RANBP2: variants seen among roughly 807,000 people sequenced by gnomAD.
RANBP2 encodes RAN binding protein 2.
In RANBP2, 57 loss-of-function variants were observed where a neutral mutation model predicts 303.6. That is an observed-to-expected ratio of 0.19 (90% confidence interval 0.15 to 0.23). The LOEUF (loss-of-function observed/expected upper bound fraction) is 0.23. Ranked by LOEUF, RANBP2 falls within the 10% of genes least tolerant of loss-of-function variation. The pLI, the probability that RANBP2 is intolerant of heterozygous loss-of-function variation, is 1.00. For synonymous variants in RANBP2, 1,167 were observed against 1,301.5 expected (o/e 0.90, Z 2.23); for missense variants, 3,138 against 3,780.8 (o/e 0.83, Z 4.46).
chr2:108,805,767 A>C, the RANBP2 span, among the ~76,000 whole-genome samples: 2 of 152,112 alleles, frequency 1.3e-5, no homozygotes, highest in Non-Finnish European at 2.9e-5. Flanking sequence ...ATAATACCAG[A>C]GTTGCATAAC....
the RANBP2 span, among the ~76,000 whole-genome samples, chr2:108,888,482 T>G: frequency 5.3e-5 from 8 of 152,088 alleles, no homozygotes; most frequent in Admixed American, 5.2e-4. Flanking sequence ...TCAGTTTGAA[T>G]CCATTTAGTC....
At chr2:108,771,595 G>A in intron 20 of RANBP2, 106 bp from the exon 21 acceptor site, 1 of 1,540,968 alleles carries the variant, frequency 6.5e-7, no homozygotes, top group Non-Finnish European at 8.7e-7. Flanking sequence ...TTATCAGTAT[G>A]CTGTTTTAAC....
the RANBP2 span, among the ~76,000 whole-genome samples, chr2:109,707,314 C>T: frequency 2.6e-5 from 4 of 152,134 alleles, no homozygotes; most frequent in Non-Finnish European, 4.4e-5. Flanking sequence ...TGGCTCTTTT[C>T]TTGCCTTCTA....
At chr2:109,378,629 T>G in the RANBP2 span, among the ~76,000 whole-genome samples, 1 of 152,252 alleles carries the variant, frequency 6.6e-6, no homozygotes. Flanking sequence ...GTTAAATTGC[T>G]TAGACTCAGT....
At chr2:109,634,170 T>TTGAC in the RANBP2 span, among the ~76,000 whole-genome samples, 1 of 150,128 alleles carries the variant, frequency 6.7e-6, no homozygotes, top group East Asian at 1.9e-4. Flanking sequence ...TACAATAGCT[T>TTGAC]TGACTGAATG....
chr2:109,260,151 A>G, the RANBP2 span, among the ~76,000 whole-genome samples: 2 of 152,182 alleles, frequency 1.3e-5, no homozygotes, highest in Non-Finnish European at 2.9e-5. Flanking sequence ...TAGGGAATAA[A>G]TGCATTCCCG....
chr2:109,372,052 G>A, the RANBP2 span, among the ~76,000 whole-genome samples: 2 of 152,212 alleles, frequency 1.3e-5, no homozygotes, highest in East Asian at 3.9e-4. Flanking sequence ...CAGAGGGGAA[G>A]AACCCGTCCC....
the RANBP2 span, among the ~76,000 whole-genome samples, chr2:109,492,247 G>A: frequency 6.6e-6 from 1 of 152,182 alleles, no homozygotes; most frequent in Non-Finnish European, 1.5e-5. Context: ...TTCAAAATGT[G>A]ACAACATTCA....
In RANBP2 at chr2:108,765,280, C is replaced by T; in HGVS notation, c.4741C>T (p.Pro1581Ser). Residue 1581 changes from proline to serine, a missense_variant, in exon 20 of 29, where the codon CCT becomes TCT. This residue lies in a region of RANBP2 where 388 missense variants were observed against 328.5 expected (regional missense o/e 1.18). Coordinates refer to ENST00000283195, the MANE Select transcript of RANBP2 (RefSeq NM_006267.5). The stretch of plus-strand genomic sequence containing the variant: ...AAGTCCATCTACTTCTGTTCCAGCT[C>T]CTGCCTCTTTTAAGTTTGGTACTTC... ...KPSPSTSVPA[P>S]ASFKFGTSET... The T allele has an allele frequency of 1.2e-6, 2 of 1,613,936 alleles. No homozygotes were observed. The highest frequency in any genetic ancestry group is 8.5e-7 in the Non-Finnish European group (1 of 1,179,948).
the RANBP2 span, among the ~76,000 whole-genome samples, chr2:109,083,690 A>G: frequency 6.6e-6 from 1 of 152,048 alleles, no homozygotes. Flanking sequence ...GCTGGATCAT[A>G]TGGTGATTCT....
Position 108,730,895 on chromosome 2 carries a change from A to C in RANBP2, c.252+10A>C, listed in dbSNP as rs754814406. On this transcript the variant is annotated intron_variant, in intron 3 of 28. Coordinates refer to ENST00000283195, the MANE Select transcript of RANBP2 (RefSeq NM_006267.5). ...CGTTGAATGTTACAGGGTAAGTTAC[A>C]GGATTCAAATATAGCCTTTGCATAG... The C allele has an allele frequency of 3.1e-6, 5 of 1,611,654 alleles. No homozygotes were observed. Among genetic ancestry groups the C allele is most frequent in the Non-Finnish European group, 4.2e-6 (5 of 1,179,636 alleles).
the RANBP2 span, among the ~76,000 whole-genome samples, chr2:109,027,399 G>A: frequency 7.2e-4 from 109 of 152,198 alleles, no homozygotes; most frequent in Non-Finnish European, 7.4e-5. Flanking sequence ...TTCAAGGGAA[G>A]AGCTTTTGAA....
the RANBP2 span, among the ~76,000 whole-genome samples, chr2:109,300,825 C>T: frequency 6.6e-6 from 1 of 152,214 alleles, no homozygotes; most frequent in East Asian, 1.9e-4. Flanking sequence ...TTACCACAGT[C>T]TTTGCCTTCC....
chr2:109,665,060 T>C, the RANBP2 span: 1 of 152,230 alleles, frequency 6.6e-6, no homozygotes, highest in African/African-American at 2.4e-5. Context: ...ATTTTAATTT[T>C]AACCTTATTA....
At chr2:109,249,599 T>TTTTC in the RANBP2 span, among the ~76,000 whole-genome samples, 8 of 144,480 alleles carry the variant, frequency 5.5e-5, no homozygotes, top group South Asian at 8.7e-4. Flanking sequence ...CTTTCTTTCT[T>TTTTC]TTTCTTTCTT....
the RANBP2 span, among the ~76,000 whole-genome samples, chr2:108,847,739 T>C: frequency 4.6e-5 from 7 of 152,236 alleles, no homozygotes; most frequent in Non-Finnish European, 7.3e-5. Flanking sequence ...TTGTTGTTTT[T>C]ATTAATGGGC....
At chr2:108,876,163 G>A in the RANBP2 span, 23 of 1,612,392 alleles carry the variant, frequency 1.4e-5, no homozygotes, top group Non-Finnish European at 1.8e-5. Context: ...CAAACCCAGA[G>A]CATGCATTTC....
the RANBP2 span, among the ~76,000 whole-genome samples, chr2:109,041,826 C>G: frequency 6.6e-6 from 1 of 151,546 alleles, no homozygotes; most frequent in African/African-American, 2.4e-5. Flanking sequence ...CAGGTGTGAG[C>G]CAACCCGCCC....
chr2:109,248,976 G>A, the RANBP2 span, among the ~76,000 whole-genome samples: 1 of 151,714 alleles, frequency 6.6e-6, no homozygotes, highest in African/African-American at 2.4e-5. Flanking sequence ...CCAACTCCTG[G>A]GCCTAAGTGA....
Sources: gnomAD v4.1 joint callset for allele counts (sites outside exome capture counted in the v4.1 genomes callset) on GRCh38, gnomAD v4.1.1 for gene constraint, gnomAD v4.1.1 regional missense constraint, MANE v1.5 for transcripts, NCBI Gene and HGNC (gene_info 2026-07-23, HGNC 2026-07-21) for gene names.